The following IFT25 variants were observed in gnomAD, a reference collection of about 807,000 sequenced individuals.
IFT25 encodes the protein intraflagellar transport 25.
the IFT25 span, among the ~76,000 whole-genome samples, chr1:53,921,173 A>G: frequency 6.6e-6 from 1 of 152,132 alleles, no homozygotes; most frequent in African/African-American, 2.4e-5. Context: ...CCTACTGCAA[A>G]AAAATATTTT....
the IFT25 span, among the ~76,000 whole-genome samples, chr1:53,933,906 T>A: frequency 6.6e-5 from 10 of 152,286 alleles, no homozygotes; most frequent in South Asian, 1.9e-3. Flanking sequence ...AGCTGCTCTC[T>A]AGGTTACAAC....
the IFT25 span, chr1:53,930,026 A>G: frequency 6.5e-7 from 1 of 1,537,336 alleles, no homozygotes; most frequent in Non-Finnish European, 8.7e-7. Flanking sequence ...AAATTAATGT[A>G]AGATTTGCTT....
chr1:53,921,509 G>C, the IFT25 span: 2 of 632,276 alleles, frequency 3.2e-6, no homozygotes, highest in Non-Finnish European at 5.6e-6. Context: ...GATAAAAACA[G>C]AATTCCTTTA....
At chr1:53,941,353 G>T in the IFT25 span, among the ~76,000 whole-genome samples, 3 of 152,142 alleles carry the variant, frequency 2.0e-5, no homozygotes, top group African/African-American at 7.2e-5. Context: ...GCCTTTCAAA[G>T]TGCTGGGATT....
chr1:53,933,852 TA>T, the IFT25 span, among the ~76,000 whole-genome samples: 1,168 of 152,088 alleles, frequency 7.7e-3, 19 homozygotes, highest in African/African-American at 0.027. Context: ...TTAATTCCTC[TA>T]TTTTTTTTTA....
chr1:53,930,256 C>A, the IFT25 span: 1 of 1,014,522 alleles, frequency 9.9e-7, no homozygotes, highest in Non-Finnish European at 1.4e-6. Context: ...ATTCTCACAT[C>A]TCCTTTCTGT....
At chr1:53,939,390 CAAAAAA>C in the IFT25 span, among the ~76,000 whole-genome samples, 1 of 63,078 alleles carries the variant, frequency 1.6e-5, no homozygotes, top group African/African-American at 5.3e-5. Flanking sequence ...GACTCTGTCT[CAAAAAA>C]AAAAAAAAAA....
chr1:53,938,026 T>G, the IFT25 span, among the ~76,000 whole-genome samples: 1 of 152,212 alleles, frequency 6.6e-6, no homozygotes, highest in Non-Finnish European at 1.5e-5. Context: ...AAGACACGAG[T>G]GTCAGTTGAT....
the IFT25 span, chr1:53,945,710 C>A: frequency 6.6e-6 from 1 of 151,900 alleles, no homozygotes; most frequent in Admixed American, 6.6e-5. Flanking sequence ...GAAATCTTCG[C>A]GCCACGCCTC....
the IFT25 span, chr1:53,923,887 A>G: frequency 1.4e-6 from 2 of 1,470,814 alleles, no homozygotes; most frequent in Non-Finnish European, 1.9e-6. Context: ...TTAATTCTAT[A>G]AAGTATATTC....
At chr1:53,941,151 C>A in the IFT25 span, among the ~76,000 whole-genome samples, 1 of 151,912 alleles carries the variant, frequency 6.6e-6, no homozygotes, top group East Asian at 1.9e-4. Flanking sequence ...ACAGCCACCA[C>A]GCCCAGCTAA....
chr1:53,937,044 A>G, the IFT25 span, among the ~76,000 whole-genome samples: 1 of 152,174 alleles, frequency 6.6e-6, no homozygotes, highest in Non-Finnish European at 1.5e-5. Context: ...CTGTAGGGAC[A>G]CATTTATAGC....
the IFT25 span, among the ~76,000 whole-genome samples, chr1:53,922,781 ATAATACT>A: frequency 6.6e-6 from 1 of 152,338 alleles, no homozygotes; most frequent in South Asian, 2.1e-4. Flanking sequence ...AGCCTGTGAT[ATAATACT>A]AAGTTAAAAA....
chr1:53,945,710 CG>C, the IFT25 span: 1 of 151,900 alleles, frequency 6.6e-6, no homozygotes, highest in Non-Finnish European at 1.5e-5. Flanking sequence ...GAAATCTTCG[CG>C]CCACGCCTCC....
the IFT25 span, chr1:53,939,927 A>G: frequency 1.0e-6 from 1 of 957,062 alleles, no homozygotes. Flanking sequence ...ACACAGTCCA[A>G]GTACTCAAGG....
the IFT25 span, among the ~76,000 whole-genome samples, chr1:53,911,902 C>G: frequency 6.6e-6 from 1 of 152,126 alleles, no homozygotes; most frequent in Non-Finnish European, 1.5e-5. Context: ...GAAGTGTTGG[C>G]TATTATTACG....
the IFT25 span, chr1:53,916,878 A>T: frequency 3.8e-5 from 15 of 393,774 alleles, no homozygotes; most frequent in African/African-American, 2.5e-4. Context: ...GCAGTGGCTC[A>T]CACCTGTAAT....
chr1:53,939,898 T>C, the IFT25 span: 3 of 750,168 alleles, frequency 4.0e-6, no homozygotes, highest in South Asian at 4.7e-5. Flanking sequence ...CTATGTTTAA[T>C]AGGGCAAGTT....
the IFT25 span, among the ~76,000 whole-genome samples, chr1:53,941,244 C>T: frequency 6.6e-6 from 1 of 152,074 alleles, no homozygotes; most frequent in Non-Finnish European, 1.5e-5. Context: ...CCACCCACCT[C>T]AGCCTCCCAA....
Sources: allele counts gnomAD v4.1 joint callset (sites outside exome capture counted in the v4.1 genomes callset), GRCh38; gene constraint gnomAD v4.1.1; transcripts MANE v1.5; gene names NCBI Gene and HGNC (gene_info 2026-07-23, HGNC 2026-07-21).